Variants in TIMELESS observed in about 807,000 individuals in gnomAD.
The protein encoded by TIMELESS is timeless circadian regulator, also known as protein timeless homolog.
Under a neutral mutation model 164.3 loss-of-function variants are expected in TIMELESS, and 124 were observed. The observed-to-expected ratio is 0.75, with a 90% CI of 0.65 to 0.88. The LOEUF (loss-of-function observed/expected upper bound fraction) is 0.88, where lower values mean the gene tolerates loss of function less well. Among genes scored for constraint, TIMELESS ranks in the 40% least tolerant of loss-of-function variants. TIMELESS has a pLI of 0.00. For synonymous variants in TIMELESS, 564 were observed against 563.4 expected (o/e 1.00, Z -0.02); for missense variants, 1,422 against 1,491.4 (o/e 0.95, Z 0.77).
At chr12:56,427,064 C>T (rs931826319) in intron 13 of TIMELESS, among the ~76,000 whole-genome samples, 4 of 152,154 alleles carry the variant, frequency 2.6e-5, no homozygotes, top group African/African-American at 9.7e-5. Flanking sequence ...TCCAGTGATC[C>T]TCGTGCTTCA....
rs764809257 is a variant in TIMELESS, at chr12:56,433,084, C to T, written c.473G>A (p.Arg158Gln). 8.1e-6 allele frequency: 13 copies of T among 1,614,096 alleles called. No individual in the cohort carries two copies. Among genetic ancestry groups the T allele is most frequent in the Admixed American group, 1.7e-5 (1 of 60,004 alleles). Residue 158 changes from arginine (R) to glutamine (Q), a missense_variant, in exon 6 of 29, where the codon CGG (arginine) becomes CAG (glutamine). By Grantham distance (43) the Arg-to-Gln change is conservative. Transcript: ENST00000553532. The part of the protein sequence containing the change: ...RQEEDNLLIE[R>Q]ILLLVRNILH... Reference sequence around the variant, plus strand: ...AATATTTCTGACCAGCAGTAGGATCCGTTCAATCAGCAAGTTGTCTTCCTC... The same window carrying T: ...AATATTTCTGACCAGCAGTAGGATCTGTTCAATCAGCAAGTTGTCTTCCTC...
intron 19 of TIMELESS, 105 bp downstream of exon 19, chr12:56,422,742 A>C (rs1013115282): frequency 7.0e-6 from 9 of 1,284,842 alleles, no homozygotes; most frequent in Non-Finnish European, 8.6e-6. Context: ...TAGGGAAAGA[A>C]ACAGTGGGCT....
chr12:56,428,410 G>A lies in TIMELESS; in HGVS notation c.1409-5C>T, dbSNP rs1881748775. 1 of 1,605,914 alleles carries A rather than the reference G, an allele frequency of 6.2e-7. No individual in the cohort carries two copies. The highest frequency in any genetic ancestry group is 8.5e-7 in the Non-Finnish European group (1 of 1,173,668). On this transcript the variant is annotated splice_polypyrimidine_tract_variant and splice_region_variant and intron_variant, in intron 12 of 28. Coordinates refer to ENST00000553532, the MANE Select transcript of TIMELESS (RefSeq NM_003920.5). ...CCATCACATAGAAAATATTGTCTAG[G>A]AATGGGGAAGAGAAAGGGATGGAAG...
At chr12:56,433,196 AC>A in intron 5 of TIMELESS, 69 bp from the exon 6 acceptor site, 7 of 1,495,560 alleles carry the variant, frequency 4.7e-6, no homozygotes, top group Non-Finnish European at 6.5e-6. Context: ...TGGCTGGAAG[AC>A]CCAGGCATAG....
In TIMELESS at chr12:56,417,797, G is replaced by T. The variant is rs778435630; in HGVS notation, c.3557-11C>A. 3 of 1,614,166 alleles carry T rather than the reference G, an allele frequency of 1.9e-6. No homozygotes were observed. The highest frequency in any genetic ancestry group is 2.5e-6 in the Non-Finnish European group (3 of 1,180,012). ...CTCCCAACTCTGGTGCTGTGGGAAC[G>T]ATGGGGGTGAGAGAGAGAGAGAATA... On this transcript the variant is annotated splice_polypyrimidine_tract_variant and intron_variant, in intron 28 of 28. Coordinates refer to ENST00000553532, the MANE Select transcript of TIMELESS (RefSeq NM_003920.5).
chr12:56,443,191 G>C (rs1187357849), intron 1 of TIMELESS, among the ~76,000 whole-genome samples: 1 of 146,784 alleles, frequency 6.8e-6, no homozygotes, highest in Non-Finnish European at 1.6e-5. Flanking sequence ...TCTTCTTGCA[G>C]GGAGCCTATA....
rs1425523033 is a variant in TIMELESS, at chr12:56,417,463, TC to T, written c.*252del. 2.2e-6 allele frequency: 1 copy of T among 457,392 alleles called. No homozygotes were observed. Among genetic ancestry groups the T allele is most frequent in the Non-Finnish European group, 3.9e-6 (1 of 255,576 alleles). The allele number at this position is 457,392 out of a possible 1,614,324, so 28.3% of individuals were successfully genotyped here. ...AGCTCCAATAACCAAAAGAAATGGT[TC>T]CTAGAAGAAGAGAACTAAATCTCCA... On this transcript the variant is annotated 3_prime_UTR_variant, in exon 29 of 29. Transcript: ENST00000553532.
intron 1 of TIMELESS, among the ~76,000 whole-genome samples, chr12:56,441,403 CTT>C (rs113190019): frequency 0.074 from 11,301 of 152,074 alleles, 1,357 homozygotes; most frequent in African/African-American, 0.25. Context: ...GGGAGGATCA[CTT>C]GAGTCCAGGA....
rs1167961286 is a variant in TIMELESS, at chr12:56,430,102, C to A, written c.1086+3G>T. 5 of 1,608,870 alleles carry A rather than the reference C, an allele frequency of 3.1e-6. No homozygotes were observed. Among genetic ancestry groups the A allele is most frequent in the Non-Finnish European group, 4.2e-6 (5 of 1,178,198 alleles). On this transcript the variant is annotated splice_donor_region_variant and intron_variant, in intron 10 of 28. Transcript: ENST00000553532. ...TATCTCCATATCCTTCACAGGTTCT[C>A]ACCTTTACTGATCCCATGAGCCGGT... is the stretch of plus-strand genomic sequence containing the variant.
intron 7 of TIMELESS, 82 bp from the exon 8 acceptor site, chr12:56,431,686 G>C: frequency 6.7e-7 from 1 of 1,493,308 alleles, no homozygotes; most frequent in Non-Finnish European, 9.0e-7. Flanking sequence ...TGCAAAGAGT[G>C]AACAAAATAG....
chr12:56,434,881 C>G (rs936536432), intron 1 of TIMELESS, among the ~76,000 whole-genome samples: 6 of 152,212 alleles, frequency 3.9e-5, no homozygotes, highest in Non-Finnish European at 7.3e-5. Flanking sequence ...GAGACCCCAT[C>G]TGTACAAAAA....
At chr12:56,425,989 T>C (rs1163774068) in intron 13 of TIMELESS, among the ~76,000 whole-genome samples, 1 of 152,176 alleles carries the variant, frequency 6.6e-6, no homozygotes, top group African/African-American at 2.4e-5. Context: ...GTGTGGGTAC[T>C]GAAAAGTCAA....
chr12:56,442,083 CAAAAAA>C (rs34126247), intron 1 of TIMELESS, among the ~76,000 whole-genome samples: 17 of 94,360 alleles, frequency 1.8e-4, no homozygotes, highest in Admixed American at 1.2e-3. Flanking sequence ...GACTCCGTCT[CAAAAAA>C]AAAAAAAAAA....
At chr12:56,434,258 TG>T in intron 1 of TIMELESS, 27 bp from the exon 2 acceptor site, 1 of 1,077,396 alleles carries the variant, frequency 9.3e-7, no homozygotes, top group Non-Finnish European at 1.4e-6. Flanking sequence ...AGATAAAAAA[TG>T]TAAGTTCCTC....
At chr12:56,443,175 T>C (rs1868300553) in intron 1 of TIMELESS, among the ~76,000 whole-genome samples, 1 of 152,082 alleles carries the variant, frequency 6.6e-6, no homozygotes, top group African/African-American at 2.4e-5. Flanking sequence ...AATAGAGCCA[T>C]AGTTTTCTTC....
intron 5 of TIMELESS, 67 bp downstream of exon 5, chr12:56,433,311 TCTC>T: frequency 1.3e-6 from 2 of 1,547,606 alleles, no homozygotes; most frequent in East Asian, 2.2e-5. Flanking sequence ...TATCTCAGCA[TCTC>T]CTCCTCTGCC....
Position 56,431,602 on chromosome 12 carries a change from G to T in TIMELESS, c.690C>A (p.Asn230Lys). 1 of 1,609,884 alleles carries T rather than the reference G, an allele frequency of 6.2e-7. No individual in the cohort carries two copies. The highest frequency in any genetic ancestry group is 1.1e-5 in the South Asian group (1 of 90,778). ...GCCCTACTCCCGCCAGCTGCTCGGGGTTCTAGATTGGAACAAAGAGGGAAG... is the reference window on the plus strand; with the variant it reads ...GCCCTACTCCCGCCAGCTGCTCGGGTTTCTAGATTGGAACAAAGAGGGAAG... ...EIVSLMFRDQ[N>K]PEQLAGVGQG... Residue 230 changes from asparagine to lysine, a missense_variant and splice_region_variant, in exon 8 of 29, where the codon AAC (asparagine) becomes AAA (lysine). Asn to Lys is a moderately conservative substitution (Grantham distance 94, BLOSUM62 0). Coordinates refer to ENST00000553532, the MANE Select transcript of TIMELESS (RefSeq NM_003920.5).
At chr12:56,431,892 A>G (rs1425887048) in intron 7 of TIMELESS, among the ~76,000 whole-genome samples, 3 of 151,710 alleles carry the variant, frequency 2.0e-5, no homozygotes. Context: ...TAGAATGTAT[A>G]TATGTGCTAT....
rs1029272795 is a variant in TIMELESS, at chr12:56,433,417, T to G, written c.393A>C (p.Gly131=). The change falls in exon 5 of 29, where the codon GGA becomes GGC. Residue 131 remains glycine, a synonymous_variant. Transcript: ENST00000553532. ...GCTCATACAAGGTTTCACTGAGGACTCCAAAAGCCTTCTCACTGGCAAAGG... is the reference window on the plus strand; with the variant it reads ...GCTCATACAAGGTTTCACTGAGGACGCCAAAAGCCTTCTCACTGGCAAAGG... ...KEAFASEKAF[G]VLSETLYELL... 1.9e-6 allele frequency: 3 copies of G among 1,614,168 alleles called. No individual in the cohort carries two copies. Among genetic ancestry groups the G allele is most frequent in the Non-Finnish European group, 2.5e-6 (3 of 1,180,024 alleles).
Sources: allele counts gnomAD v4.1 joint callset (sites outside exome capture counted in the v4.1 genomes callset), GRCh38; gene constraint gnomAD v4.1.1; transcripts MANE v1.5; gene names NCBI Gene and HGNC (gene_info 2026-07-23, HGNC 2026-07-21).